Variants in BANK1 observed in about 807,000 individuals in gnomAD.
BANK1 encodes B-cell scaffold protein with ankyrin repeats.
BANK1 carries 95 observed loss-of-function variants against 94.5 expected under a neutral mutation model. That is an observed-to-expected ratio of 1.00 (90% confidence interval 0.85 to 1.19). The LOEUF is 1.19. Among genes scored for constraint, BANK1 ranks in the 50% most tolerant of loss-of-function variants. The pLI is 0.00. For synonymous variants in BANK1, 334 were observed against 308.4 expected (o/e 1.08, Z -0.87); for missense variants, 987 against 932.2 (o/e 1.06, Z -0.77).
intron 6 of BANK1, among the ~76,000 whole-genome samples, chr4:101,901,806 G>C (rs1722295776): frequency 6.6e-6 from 1 of 151,926 alleles, no homozygotes; most frequent in Non-Finnish European, 1.5e-5. Context: ...TGTCGCCCAG[G>C]CTGGAGTGCA....
At chr4:101,853,738 A>AG (rs1727580514) in intron 2 of BANK1, among the ~76,000 whole-genome samples, 1 of 152,100 alleles carries the variant, frequency 6.6e-6, no homozygotes, top group Non-Finnish European at 1.5e-5. Context: ...CTTGAGACTG[A>AG]GGGGTCTCCT....
At chr4:102,014,651 T>C (rs1578456456) in intron 7 of BANK1, among the ~76,000 whole-genome samples, 1 of 152,134 alleles carries the variant, frequency 6.6e-6, no homozygotes, top group Admixed American at 6.5e-5. Context: ...CTGGGAGTAT[T>C]TCACATCTCT....
At chr4:101,886,768 G>C (rs989372691) in intron 5 of BANK1, among the ~76,000 whole-genome samples, 1 of 145,260 alleles carries the variant, frequency 6.9e-6, no homozygotes, top group Non-Finnish European at 1.5e-5. Flanking sequence ...TATTGGGGGG[G>C]GGGGCATGTT....
At chr4:101,904,826 T>C (rs1722394214) in intron 6 of BANK1, among the ~76,000 whole-genome samples, 1 of 152,170 alleles carries the variant, frequency 6.6e-6, no homozygotes, top group Non-Finnish European at 1.5e-5. Context: ...CTTTATTAAC[T>C]CCAACTATGT....
Position 101,790,770 on chromosome 4 carries a change from G to C in BANK1, c.-111G>C. The C allele has an allele frequency of 8.3e-7, 1 of 1,202,656 alleles. No individual in the cohort carries two copies. Among genetic ancestry groups the C allele is most frequent in the Non-Finnish European group, 1.2e-6 (1 of 846,264 alleles). 74.5% of individuals were successfully genotyped at this position (1,202,656 alleles called of 1,614,324 possible). ...CCTCCGCGGGTGGCAAGCGGGCTGG[G>C]GAGAGCCGAGGGCCAAAGGAAGAGA... is the stretch of plus-strand genomic sequence containing the variant. On this transcript the variant is annotated 5_prime_UTR_variant, in exon 1 of 17. Coordinates refer to ENST00000322953, the MANE Select transcript of BANK1 (RefSeq NM_017935.5).
intron 6 of BANK1, among the ~76,000 whole-genome samples, chr4:101,914,530 A>G (rs984705382): frequency 2.0e-5 from 3 of 152,164 alleles, no homozygotes; most frequent in Non-Finnish European, 4.4e-5. Flanking sequence ...CATTATTTGC[A>G]GTAGTTATGT....
intron 10 of BANK1, 124 bp downstream of exon 10, chr4:102,030,389 A>T: frequency 1.0e-6 from 1 of 969,786 alleles, no homozygotes; most frequent in Non-Finnish European, 1.5e-6. Context: ...TTTTTTTTCA[A>T]GTCACAGCTA....
intron 4 of BANK1, among the ~76,000 whole-genome samples, chr4:101,866,159 A>G (rs1468862135): frequency 1.3e-5 from 2 of 152,212 alleles, no homozygotes; most frequent in African/African-American, 4.8e-5. Context: ...AAACTTTGAG[A>G]AAGAATCAAC....
chr4:101,837,621 A>G (rs1387369104), intron 2 of BANK1, among the ~76,000 whole-genome samples: 3 of 152,124 alleles, frequency 2.0e-5, no homozygotes, highest in African/African-American at 7.2e-5. Context: ...AGCTTTTTAT[A>G]TATTAATCAA....
At chr4:101,994,895 T>C (rs1009292636) in intron 7 of BANK1, among the ~76,000 whole-genome samples, 2 of 152,140 alleles carry the variant, frequency 1.3e-5, no homozygotes, top group East Asian at 1.9e-4. Context: ...AAGTTGTCTC[T>C]TTTTTTATCC....
At chr4:101,938,405 C>T (rs1347829927) in intron 7 of BANK1, among the ~76,000 whole-genome samples, 1 of 151,132 alleles carries the variant, frequency 6.6e-6, no homozygotes, top group Non-Finnish European at 1.5e-5. Context: ...AGGGTTACTA[C>T]AGTCAATAAT....
intron 1 of BANK1, among the ~76,000 whole-genome samples, chr4:101,806,171 C>T (rs954726887): frequency 6.6e-6 from 1 of 151,548 alleles, no homozygotes; most frequent in African/African-American, 2.4e-5. Context: ...CATATATGTA[C>T]TTCTAGGTTT....
rs1025566633 is a variant in BANK1 at position 101,918,045 on chromosome 4, C to T, written c.1062C>T (p.Gly354=). The change falls in exon 7 of 17, where the codon GGC becomes GGT. Residue 354 remains glycine (G), a synonymous_variant. Transcript: ENST00000322953. ...PTLLHCAAKF[G]LKNLAIHLLQ... ...TTCTCCACTGTGCAGCAAAATTTGG[C>T]TTAAAGAACCTGGCTATTCATTTGC... 18 of 1,611,352 alleles carry T rather than the reference C, an allele frequency of 1.1e-5. No homozygotes were observed. Among genetic ancestry groups the T allele is most frequent in the Middle Eastern group, 1.6e-4 (1 of 6,066 alleles).
chr4:101,928,421 T>C (rs1407797169), intron 7 of BANK1, among the ~76,000 whole-genome samples: 1 of 151,554 alleles, frequency 6.6e-6, no homozygotes, highest in East Asian at 2.0e-4. Context: ...GAAAAAAAAA[T>C]CAGAGCATTT....
chr4:101,959,175 C>T (rs1396106464), intron 7 of BANK1, among the ~76,000 whole-genome samples: 3 of 150,966 alleles, frequency 2.0e-5, no homozygotes, highest in Admixed American at 1.3e-4. Context: ...CTCACTCTGT[C>T]GCCCAGGCTG....
chr4:102,045,507 T>G (rs1296848495), intron 11 of BANK1, among the ~76,000 whole-genome samples: 1 of 152,174 alleles, frequency 6.6e-6, no homozygotes, highest in Non-Finnish European at 1.5e-5. Context: ...AAATTGTCCC[T>G]GTTTGCAGAC....
chr4:102,061,486 G>A lies in BANK1; in HGVS notation c.2148+1097G>A, dbSNP rs1436164741. 3 of 152,156 alleles carry A rather than the reference G, an allele frequency of 2.0e-5. No individual in the cohort carries two copies. In the East Asian group the frequency reaches 5.8e-4, roughly 29 times the overall value. The allele number at this position is 152,156 out of a possible 1,614,324, so 9.4% of individuals were successfully genotyped here. ...TGCAACTCTTCATTGTTCATGATCA[G>A]AATTACAATATTGCTTCTCAATCAT... On this transcript the variant is annotated intron_variant, in intron 12 of 16. Coordinates refer to ENST00000322953, the MANE Select transcript of BANK1 (RefSeq NM_017935.5).
chr4:101,840,190 G>A (rs1458827286), intron 2 of BANK1, among the ~76,000 whole-genome samples: 2 of 150,414 alleles, frequency 1.3e-5, no homozygotes, highest in South Asian at 2.1e-4. Context: ...GGATGGTCTC[G>A]ATCTCCTGAC....
intron 7 of BANK1, among the ~76,000 whole-genome samples, chr4:101,971,050 C>T (rs1307324896): frequency 6.6e-6 from 1 of 151,986 alleles, no homozygotes; most frequent in Non-Finnish European, 1.5e-5. Context: ...CTTCATGCAA[C>T]ATAATTTGAA....
Sources: allele counts gnomAD v4.1 joint callset (sites outside exome capture counted in the v4.1 genomes callset), GRCh38; gene constraint gnomAD v4.1.1; transcripts MANE v1.5; gene names NCBI Gene and HGNC (gene_info 2026-07-23, HGNC 2026-07-21).